Variants in BASP1 observed in about 807,000 individuals in gnomAD.
The protein encoded by BASP1 is brain abundant membrane attached signal protein 1, also known as brain acid soluble protein 1.
In BASP1, 1 loss-of-function variant was observed where a neutral mutation model predicts 2.2. The ratio of observed to expected loss-of-function variants is 0.46; its 90% CI spans 0.16 to 2.17. The LOEUF is 2.17. Among genes scored for constraint, BASP1 ranks in the 30% most tolerant of loss-of-function variants. The pLI is 0.27. For missense variants in BASP1, 352 were observed against 327.2 expected, an observed-to-expected ratio of 1.08 and a Z score of -0.58; for synonymous variants, 187 against 154.2, an observed-to-expected ratio of 1.21 and a Z score of -1.58.
intron 1 of BASP1, among the ~76,000 whole-genome samples, chr5:17,219,593 T>C (rs1739352598): frequency 2.6e-5 from 4 of 152,214 alleles, no homozygotes; most frequent in Admixed American, 2.6e-4. Flanking sequence ...ATTAACCGTT[T>C]GACAGATCTT....
chr5:17,218,986 C>T (rs1238876112), intron 1 of BASP1, among the ~76,000 whole-genome samples: 1 of 96,474 alleles, frequency 1.0e-5, no homozygotes. Context: ...TTTTTTAGGA[C>T]CTTGTACAGG....
In BASP1 at chr5:17,273,351, A is replaced by G. The variant is rs555877313; in HGVS notation, c.-9-1857A>G. Among the ~76,000 whole-genome samples, 269 of 152,326 alleles carry G rather than the reference A, an allele frequency of 1.8e-3. No individual in the cohort carries two copies. In the Middle Eastern group the frequency reaches 0.024, roughly 13 times the overall value. On this transcript the variant is annotated intron_variant, in intron 1 of 1. Coordinates refer to ENST00000322611, the MANE Select transcript of BASP1 (RefSeq NM_006317.5). Reference sequence around the variant, plus strand: ...GAGAAATAATCAAAAATTAAATCCAATAGAGCCTGTCTGAAGCAGGTTATG... The same window carrying G: ...GAGAAATAATCAAAAATTAAATCCAGTAGAGCCTGTCTGAAGCAGGTTATG...
intron 1 of BASP1, among the ~76,000 whole-genome samples, chr5:17,259,644 T>C (rs556294602): frequency 2.0e-5 from 3 of 152,206 alleles, no homozygotes; most frequent in East Asian, 1.9e-4. Flanking sequence ...AATGTCAATA[T>C]GTAAGAATTT....
At chr5:17,261,033 C>T (rs12054725) in intron 1 of BASP1, among the ~76,000 whole-genome samples, 32 of 152,164 alleles carry the variant, frequency 2.1e-4, no homozygotes, top group African/African-American at 7.5e-4. Context: ...TTTTAAAAAT[C>T]TATTTTATAA....
In BASP1 at chr5:17,234,605, G is replaced by A. The variant is rs557377314; in HGVS notation, c.-10+16795G>A. Among the ~76,000 whole-genome samples, 6 of 152,292 alleles carry A rather than the reference G, an allele frequency of 3.9e-5. No homozygotes were observed. The South Asian group carries it at 1.2e-3, about 32-fold the overall frequency. ...TTTCTACCATGTGAATGTGACGTGG[G>A]AACATACAAACCACACTAAAATATT... On this transcript the variant is annotated intron_variant, in intron 1 of 1. Transcript: ENST00000322611.
At chr5:17,235,122 G>A (rs1739714825) in intron 1 of BASP1, among the ~76,000 whole-genome samples, 1 of 152,148 alleles carries the variant, frequency 6.6e-6, no homozygotes, top group South Asian at 2.1e-4. Flanking sequence ...CTTGAACACA[G>A]TGTTTGTAGT....
chr5:17,274,853 T>C (rs1400668109), intron 1 of BASP1, among the ~76,000 whole-genome samples: 1 of 152,020 alleles, frequency 6.6e-6, no homozygotes, highest in Admixed American at 6.5e-5. Flanking sequence ...AATTGTGTAA[T>C]AACAGTGTAA....
chr5:17,242,442 A>G (rs1293385778), intron 1 of BASP1, among the ~76,000 whole-genome samples: 1 of 151,524 alleles, frequency 6.6e-6, no homozygotes, highest in African/African-American at 2.4e-5. Context: ...CATTATCAAC[A>G]TCCCCCAGCA....
rs187269133 is a variant in BASP1 at position 17,254,095 on chromosome 5, T to A, written c.-9-21113T>A. Reference sequence around the variant, plus strand: ...TAGACTAGATCTTTAAGGGAAAAAATATATATATATTTTTTCTCAGAGAAC... The same window carrying A: ...TAGACTAGATCTTTAAGGGAAAAAAAATATATATATTTTTTCTCAGAGAAC... On this transcript the variant is annotated intron_variant, in intron 1 of 1. Coordinates refer to ENST00000322611, the MANE Select transcript of BASP1 (RefSeq NM_006317.5). Among the ~76,000 whole-genome samples the A allele has an allele frequency of 6.5e-3, 985 of 152,118 alleles. 5 individuals carry two copies. The highest frequency in any genetic ancestry group is 0.021 in the African/African-American group (879 of 41,504).
At chr5:17,239,499 G>T (rs1249967182) in intron 1 of BASP1, among the ~76,000 whole-genome samples, 1 of 152,144 alleles carries the variant, frequency 6.6e-6, no homozygotes, top group East Asian at 1.9e-4. Flanking sequence ...AAACAGATCA[G>T]TGTGTTAGTA....
chr5:17,258,090 C>T (rs576524677), intron 1 of BASP1, among the ~76,000 whole-genome samples: 4 of 152,166 alleles, frequency 2.6e-5, no homozygotes, highest in Non-Finnish European at 5.9e-5. Flanking sequence ...TGGGGAAATT[C>T]TGATAGGGAG....
At chr5:17,221,365 G>GT (rs35430036) in intron 1 of BASP1, among the ~76,000 whole-genome samples, 8,450 of 120,944 alleles carry the variant, frequency 0.07, 273 homozygotes, top group African/African-American at 0.091. Flanking sequence ...TCTTGTAAAT[G>GT]TTTTTTTTTT....
At chr5:17,262,640 T>C (rs1320470530) in intron 1 of BASP1, among the ~76,000 whole-genome samples, 1 of 152,222 alleles carries the variant, frequency 6.6e-6, no homozygotes. Context: ...ACCTTCTCTA[T>C]AAATCTTTCT....
intron 1 of BASP1, among the ~76,000 whole-genome samples, chr5:17,222,592 A>G (rs889210071): frequency 6.6e-6 from 1 of 152,236 alleles, no homozygotes; most frequent in Non-Finnish European, 1.5e-5. Flanking sequence ...CCTAAGAAGG[A>G]AGCAGTGTGA....
chr5:17,222,585 A>C (rs569025258), intron 1 of BASP1, among the ~76,000 whole-genome samples: 2 of 152,226 alleles, frequency 1.3e-5, no homozygotes, highest in African/African-American at 4.8e-5. Context: ...CCACAAGCCT[A>C]AGAAGGAAGC....
intron 1 of BASP1, among the ~76,000 whole-genome samples, chr5:17,270,774 C>T (rs1319978114): frequency 6.6e-6 from 1 of 152,042 alleles, no homozygotes; most frequent in African/African-American, 2.4e-5. Flanking sequence ...TTTTGCAGTC[C>T]CTGGAAATGT....
At chr5:17,226,519 CAGAG>C (rs1739510716) in intron 1 of BASP1, among the ~76,000 whole-genome samples, 1 of 152,226 alleles carries the variant, frequency 6.6e-6, no homozygotes, top group Admixed American at 6.5e-5. Flanking sequence ...TATCCACTGA[CAGAG>C]AGAACTAGCT....
At chr5:17,262,853 T>C (rs992344565) in intron 1 of BASP1, among the ~76,000 whole-genome samples, 2 of 151,674 alleles carry the variant, frequency 1.3e-5, no homozygotes, top group East Asian at 3.9e-4. Flanking sequence ...AAATCTTCTT[T>C]TTTTTTTTTT....
At chr5:17,240,700 A>G (rs1239711559) in intron 1 of BASP1, 1 of 152,244 alleles carries the variant, frequency 6.6e-6, no homozygotes, top group Non-Finnish European at 1.5e-5. Flanking sequence ...AAATTTGTGA[A>G]GCATTCCATA....
Sources: allele counts gnomAD v4.1 joint callset (sites outside exome capture counted in the v4.1 genomes callset), GRCh38; gene constraint gnomAD v4.1.1; transcripts MANE v1.5; gene names NCBI Gene and HGNC (gene_info 2026-07-23, HGNC 2026-07-21).